The following TGIF1 variants were observed in gnomAD, a reference collection of about 807,000 sequenced individuals.
TGIF1 encodes homeobox protein TGIF1.
In TGIF1, 4 loss-of-function variants were observed where a neutral mutation model predicts 19.3. The ratio of observed to expected loss-of-function variants is 0.21; its 90% CI spans 0.10 to 0.47. The LOEUF (loss-of-function observed/expected upper bound fraction) is 0.47, where lower values mean the gene tolerates loss of function less well. Among genes scored for constraint, TGIF1 ranks in the 20% least tolerant of loss-of-function variants. TGIF1 has a pLI of 0.98. For synonymous variants in TGIF1, 122 were observed against 129.3 expected, an observed-to-expected ratio of 0.94 and a Z score of 0.38; for missense variants, 275 against 341.4, an observed-to-expected ratio of 0.81 and a Z score of 1.53.
At chr18:3,415,584 G>A in intron 1 of TGIF1, 2 of 245,230 alleles carry the variant, frequency 8.2e-6, no homozygotes, top group Non-Finnish European at 1.7e-5. Context: ...GCGGTTCTCA[G>A]GAACATGCCC....
chr18:3,429,780 A>G (rs1306932288), intron 2 of TGIF1, among the ~76,000 whole-genome samples: 1 of 151,884 alleles, frequency 6.6e-6, no homozygotes, highest in Non-Finnish European at 1.5e-5. Context: ...ATGTGATTTC[A>G]GAATCCACAT....
chr18:3,451,817 G>T lies in TGIF1; in HGVS notation c.16+1312G>T. On this transcript the variant is annotated intron_variant, in intron 1 of 2. Coordinates refer to ENST00000343820, the MANE Select transcript of TGIF1 (RefSeq NM_003244.4). The surrounding 1 kb of genome is among the most constrained non-coding windows in gnomAD (Gnocchi z 5.4). ...ACCCCTCCCCGCGGGACGGAGGGAGGACTCGGGACAGGGAATTGGCCCTGG... is the reference window on the plus strand; with the variant it reads ...ACCCCTCCCCGCGGGACGGAGGGAGTACTCGGGACAGGGAATTGGCCCTGG... 7.6e-7 allele frequency: 1 copy of T among 1,312,964 alleles called. No homozygotes were observed. Among genetic ancestry groups the T allele is most frequent in the Non-Finnish European group, 9.7e-7 (1 of 1,030,424 alleles). 81.3% of individuals were successfully genotyped at this position (1,312,964 alleles called of 1,614,324 possible). A position where few individuals can be genotyped will look rare whatever the true frequency, so the allele number is the denominator to read the frequency against.
intron 1 of TGIF1, chr18:3,412,355 A>G (rs1178308546): frequency 2.7e-5 from 4 of 149,710 alleles, no homozygotes; most frequent in Non-Finnish European, 5.9e-5. Flanking sequence ...CCAGGTAAAG[A>G]TTTTCATTAT....
chr18:3,440,301 G>A (rs1352048037), intron 2 of TGIF1, among the ~76,000 whole-genome samples: 1 of 149,442 alleles, frequency 6.7e-6, no homozygotes, highest in African/African-American at 2.5e-5. Context: ...CAAGTGAGCC[G>A]ATATCGTGCC....
At chr18:3,430,411 T>C (rs970098743) in intron 2 of TGIF1, among the ~76,000 whole-genome samples, 57 of 152,236 alleles carry the variant, frequency 3.7e-4, no homozygotes, top group African/African-American at 1.4e-3. Context: ...GAAATGTTAC[T>C]TATATTAACG....
At chr18:3,447,096 C>G (rs1048477661), upstream of TGIF1, among the ~76,000 whole-genome samples, 2 of 152,172 alleles carry the variant, frequency 1.3e-5, no homozygotes, top group Admixed American at 1.3e-4. Flanking sequence ...GGTTTGCAGG[C>G]TGTGAAAAGT....
chr18:3,452,349 G>A, intron 1 of TGIF1: 1 of 1,613,328 alleles, frequency 6.2e-7, no homozygotes. Context: ...ACAGGGTCCA[G>A]CTCCTCGGCG....
Position 3,422,693 on chromosome 18 carries a change from T to G in TGIF1, c.-45+4478T>G, listed in dbSNP as rs1188530517. 5.8e-3 allele frequency among the ~76,000 whole-genome samples: 780 copies of G among 134,302 alleles called. 55 individuals are homozygous for G. Among genetic ancestry groups the G allele is most frequent in the African/African-American group, 0.02 (688 of 33,810 alleles). 88.1% of individuals were successfully genotyped at this position (134,302 alleles called of 152,430 possible). A position where few individuals can be genotyped will look rare whatever the true frequency, so the allele number is the denominator to read the frequency against. On this transcript the variant is annotated intron_variant, in intron 2 of 3. Coordinates refer to the TGIF1 transcript ENST00000401449. ...GTGGCCTTTTTTTTTTTTTTTTTTTTTTTTTTTTTTTTTTTGAGACAGAGT... is the reference window on the plus strand; with the variant it reads ...GTGGCCTTTTTTTTTTTTTTTTTTTGTTTTTTTTTTTTTTTGAGACAGAGT...
intron 2 of TGIF1, among the ~76,000 whole-genome samples, chr18:3,432,077 G>T (rs944395855): frequency 6.9e-6 from 1 of 145,664 alleles, no homozygotes; most frequent in Non-Finnish European, 1.5e-5. Context: ...ACAGTGAGCC[G>T]AGATTGTGCC....
upstream of TGIF1, chr18:3,449,855 C>G (rs942813479): frequency 1.4e-5 from 14 of 985,332 alleles, no homozygotes; most frequent in Non-Finnish European, 1.7e-5. Flanking sequence ...CCGAACCAAA[C>G]GCACCCTCGC....
intron 2 of TGIF1, among the ~76,000 whole-genome samples, chr18:3,442,406 T>A (rs1395020835): frequency 6.6e-6 from 1 of 152,060 alleles, no homozygotes; most frequent in Non-Finnish European, 1.5e-5. Context: ...CTTAGTCCAA[T>A]GATTTTTTTT....
At chr18:3,442,136 CTT>C (rs2082683331) in intron 2 of TGIF1, among the ~76,000 whole-genome samples, 1 of 152,118 alleles carries the variant, frequency 6.6e-6, no homozygotes, top group Non-Finnish European at 1.5e-5. Flanking sequence ...AATAAGTTGT[CTT>C]TTATTTTACT....
chr18:3,422,010 A>G (rs1369409276), intron 2 of TGIF1, among the ~76,000 whole-genome samples: 2 of 151,940 alleles, frequency 1.3e-5, no homozygotes, highest in Non-Finnish European at 2.9e-5. Flanking sequence ...CCTGGCCAAC[A>G]TGGTGAAACC....
intron 1 of TGIF1, among the ~76,000 whole-genome samples, chr18:3,413,258 G>T (rs1026268621): frequency 1.8e-4 from 27 of 152,170 alleles, no homozygotes; most frequent in African/African-American, 6.0e-4. Flanking sequence ...TATGTTAAAG[G>T]ATGGGAACAT....
chr18:3,444,715 C>T (rs1332477673), intron 2 of TGIF1, among the ~76,000 whole-genome samples: 1 of 151,278 alleles, frequency 6.6e-6, no homozygotes, highest in Non-Finnish European at 1.5e-5. Context: ...CACTTAAGTG[C>T]ATAAATATTT....
chr18:3,443,869 AAAT>A (rs138946165), intron 2 of TGIF1, among the ~76,000 whole-genome samples: 74,078 of 151,464 alleles, frequency 0.49, 19,899 homozygotes, highest in Admixed American at 0.65. Flanking sequence ...GTAGTAAATA[AAAT>A]AAAAGAAGGA....
At position 3,450,336 on chromosome 18, in the gene TGIF1, G is replaced by GATC; in HGVS notation, c.-152_-150dup. ...TTCCACCCAAGGAGCGGGCGCCTGG[G>GATC]ATCAGAGCGTCCTGTTTAGCAATAA... On this transcript the variant is annotated 5_prime_UTR_variant, in exon 1 of 3. Coordinates refer to ENST00000343820, the MANE Select transcript of TGIF1 (RefSeq NM_003244.4). The GATC allele has an allele frequency of 6.8e-7, 1 of 1,473,910 alleles. No individual in the cohort carries two copies. 91.3% of individuals were successfully genotyped at this position (1,473,910 alleles called of 1,614,324 possible).
intron 2 of TGIF1, among the ~76,000 whole-genome samples, chr18:3,419,858 T>C (rs2082378646): frequency 6.6e-6 from 1 of 151,898 alleles, no homozygotes; most frequent in Admixed American, 6.6e-5. Context: ...ATACAAAAAT[T>C]AGCTGGGCAT....
chr18:3,427,312 G>A (rs371942618), intron 2 of TGIF1, among the ~76,000 whole-genome samples: 1 of 148,444 alleles, frequency 6.7e-6, no homozygotes. Context: ...TTTTCTTTGA[G>A]ATGAAGCCTC....
Sources: gnomAD v4.1 joint callset for allele counts (sites outside exome capture counted in the v4.1 genomes callset) on GRCh38, gnomAD v4.1.1 for gene constraint, Gnocchi (gnomAD v3.1) non-coding constraint, MANE v1.5 for transcripts, NCBI Gene and HGNC (gene_info 2026-07-23, HGNC 2026-07-21) for gene names.